Variants in RPS27L observed in about 807,000 individuals in gnomAD.
The protein encoded by RPS27L is ribosomal protein S27 like.
A neutral mutation model predicts 12.8 loss-of-function variants in RPS27L; 10 were observed. That is an observed-to-expected ratio of 0.78 (90% CI 0.48 to 1.33). The LOEUF is 1.33. RPS27L is among the 40% of genes most tolerant of loss of function. The pLI is 0.00. For missense variants in RPS27L, 81 were observed against 97.4 expected, an observed-to-expected ratio of 0.83 and a Z score of 0.71; for synonymous variants, 26 against 32.3, an observed-to-expected ratio of 0.81 and a Z score of 0.66.
intron 3 of RPS27L, chr15:63,155,319 A>C (rs2037325131): frequency 3.0e-6 from 1 of 331,734 alleles, no homozygotes; most frequent in Non-Finnish European, 5.3e-6. Context: ...ATAAATAAAT[A>C]AATCTGCATG....
intron 2 of RPS27L, 146 bp from the exon 3 acceptor site, chr15:63,155,877 G>A (rs2037329164): frequency 1.1e-5 from 5 of 435,142 alleles, no homozygotes; most frequent in Admixed American, 8.6e-5. Flanking sequence ...TTCTAGCAGC[G>A]ACACAAAATT....
Position 63,156,344 on chromosome 15 carries a change from T to C in RPS27L, c.115+69A>G, listed in dbSNP as rs1282508014. On this transcript the variant is annotated intron_variant, in intron 2 of 3. Coordinates refer to ENST00000330964, the MANE Select transcript of RPS27L (RefSeq NM_015920.4). ...ACAGAGGGTTCTAATGTATCTTAAC[T>C]ATACACACCACACTAGCAATCCCTA... 1.9e-5 allele frequency: 15 copies of C among 778,174 alleles called. No individual in the cohort carries two copies. The East Asian group carries it at 3.4e-4, about 18-fold the overall frequency. 48.2% of individuals were successfully genotyped at this position (778,174 alleles called of 1,614,324 possible).
In RPS27L at chr15:63,152,059, G is replaced by C. The variant is rs972429336; in HGVS notation, c.*1973C>G. 6.6e-6 allele frequency: 1 copy of C among 152,364 alleles called. No individual in the cohort carries two copies. The highest frequency in any genetic ancestry group is 6.5e-5 in the Admixed American group (1 of 15,282). 9.4% of individuals were successfully genotyped at this position (152,364 alleles called of 1,614,324 possible). A position where few individuals can be genotyped will look rare whatever the true frequency, so the allele number is the denominator to read the frequency against. ...AATCCCAGCACTTTGGTAGGCCAAG[G>C]CAGATCACCTGAGGCCAGGAGTTCC... On this transcript the variant is annotated 3_prime_UTR_variant, in exon 4 of 4. Transcript: ENST00000330964.
In RPS27L at chr15:63,153,726, CAA is replaced by C. The variant is rs35597192; in HGVS notation, c.*304_*305del. ...AGTGACAGAGCAGGACTCTCTCTCT[CAA>C]AAAAAAAAAAAAAGACACAAACTAA... On this transcript the variant is annotated 3_prime_UTR_variant, in exon 4 of 4. Transcript: ENST00000330964. 2,125 of 188,662 alleles carry C rather than the reference CAA, an allele frequency of 0.011. No individual in the cohort carries two copies. The highest frequency in any genetic ancestry group is 0.025 in the South Asian group (250 of 10,080). The allele number at this position is 188,662 out of a possible 1,614,324, so 11.7% of individuals were successfully genotyped here.
rs771567867 is a variant in RPS27L, at chr15:63,156,448, C to G, written c.80G>C (p.Ser27Thr). 2 of 1,597,408 alleles carry G rather than the reference C, an allele frequency of 1.3e-6. No homozygotes were observed. The highest frequency in any genetic ancestry group is 1.7e-6 in the Non-Finnish European group (2 of 1,173,864). Residue 27 changes from serine (S) to threonine (T), a missense_variant, in exon 2 of 4, where the codon AGT becomes ACT. Coordinates refer to ENST00000330964, the MANE Select transcript of RPS27L (RefSeq NM_015920.4). ...KKHKKKRLVQ[S>T]PNSYFMDVKC... ...TACATCCATAAAGTAAGAATTTGGA[C>G]TTTGTACTAGGCGTTTCTTTTTATG...
chr15:63,155,608 C>T lies in RPS27L; in HGVS notation c.226+13G>A. On this transcript the variant is annotated intron_variant, in intron 3 of 3. Transcript: ENST00000330964. ...AATCTCATCACTGGGTTGGAGAATGCCAAATGATATACCTTCTGTGAGTCT... is the reference window on the plus strand; with the variant it reads ...AATCTCATCACTGGGTTGGAGAATGTCAAATGATATACCTTCTGTGAGTCT... 1.3e-6 allele frequency: 2 copies of T among 1,534,088 alleles called. No individual in the cohort carries two copies. The highest frequency in any genetic ancestry group is 1.8e-6 in the Non-Finnish European group (2 of 1,120,158).
chr15:63,149,049 C>G lies in RPS27L; in HGVS notation c.*4983G>C, dbSNP rs6494396. 104,768 of 151,284 alleles carry G rather than the reference C, an allele frequency of 0.69. 36,796 individuals are homozygous for G. Among genetic ancestry groups the G allele is most frequent in the East Asian group, 0.99 (5,002 of 5,038 alleles). The allele number at this position is 151,284 out of a possible 1,614,324, so 9.4% of individuals were successfully genotyped here. ...AATTTTTGTATTTTTAGCAGAGACGCGGTTTCATCATGTTGGCCAGGATGG... is the reference window on the plus strand; with the variant it reads ...AATTTTTGTATTTTTAGCAGAGACGGGGTTTCATCATGTTGGCCAGGATGG... On this transcript the variant is annotated 3_prime_UTR_variant, in exon 4 of 4. Coordinates refer to ENST00000330964, the MANE Select transcript of RPS27L (RefSeq NM_015920.4).
At chr15:63,156,039 A>G (rs1054240342) in intron 2 of RPS27L, among the ~76,000 whole-genome samples, 3 of 152,202 alleles carry the variant, frequency 2.0e-5, no homozygotes, top group African/African-American at 7.2e-5. Flanking sequence ...TATTTTGAGT[A>G]TCCACATTTT....
chr15:63,154,971 T>C (rs2037322423), intron 3 of RPS27L: 1 of 152,046 alleles, frequency 6.6e-6, no homozygotes, highest in South Asian at 2.1e-4. Flanking sequence ...AAAAGAAATT[T>C]TAAAATTCTA....
At position 63,150,089 on chromosome 15, in the gene RPS27L, T is replaced by TA. The variant is rs1286964094; in HGVS notation, c.*3942dup. On this transcript the variant is annotated 3_prime_UTR_variant, in exon 4 of 4. Transcript: ENST00000330964. ...AGACTCCATCTCAAAAATAAATAAATAAAAAGTGAAAACACTCTAAGTATC... is the reference window on the plus strand; with the variant it reads ...AGACTCCATCTCAAAAATAAATAAATAAAAAAGTGAAAACACTCTAAGTATC... 3 of 151,822 alleles carry TA rather than the reference T, an allele frequency of 2.0e-5. No homozygotes were observed. In the East Asian group the frequency reaches 5.8e-4, roughly 29 times the overall value. The allele number at this position is 151,822 out of a possible 1,614,324, so 9.4% of individuals were successfully genotyped here.
rs2037298995 is a variant in RPS27L at position 63,151,483 on chromosome 15, C to T, written c.*2549G>A. The T allele has an allele frequency of 6.6e-6, 1 of 152,228 alleles. No individual in the cohort carries two copies. The highest frequency in any genetic ancestry group is 2.1e-4 in the South Asian group (1 of 4,832). The allele number at this position is 152,228 out of a possible 1,614,324, so 9.4% of individuals were successfully genotyped here. Reference sequence around the variant, plus strand: ...TCCTGACTGCAAGTGATCTGCCTGCCTCAGCCTCCCAAACTGCTGGGATTA... The same window carrying T: ...TCCTGACTGCAAGTGATCTGCCTGCTTCAGCCTCCCAAACTGCTGGGATTA... On this transcript the variant is annotated 3_prime_UTR_variant, in exon 4 of 4. Transcript: ENST00000330964.
rs778697898 is a variant in RPS27L at position 63,156,439 on chromosome 15, G to C, written c.89C>G (p.Ser30Cys). 1.9e-6 allele frequency: 3 copies of C among 1,585,084 alleles called. No homozygotes were observed. The highest frequency in any genetic ancestry group is 2.6e-6 in the Non-Finnish European group (3 of 1,167,200). ...TGGACATTTTACATCCATAAAGTAA[G>C]AATTTGGACTTTGTACTAGGCGTTT... Reference protein sequence around the residue: ...KKKRLVQSPNSYFMDVKCPGC... With the variant: ...KKKRLVQSPNCYFMDVKCPGC... The change falls in exon 2 of 4, where the codon TCT becomes TGT. Residue 30 changes from serine to cysteine, a missense_variant. Ser to Cys is a moderately radical substitution (Grantham distance 112). Transcript: ENST00000330964.
Position 63,151,110 on chromosome 15 carries a change from G to A in RPS27L, c.*2922C>T, listed in dbSNP as rs1004426863. Reference sequence around the variant, plus strand: ...TCAGTATATAATAATGTATGTGGCTGACCCTGAAGTTTGGGAAAGTCCTGG... The same window carrying A: ...TCAGTATATAATAATGTATGTGGCTAACCCTGAAGTTTGGGAAAGTCCTGG... On this transcript the variant is annotated 3_prime_UTR_variant, in exon 4 of 4. Coordinates refer to ENST00000330964, the MANE Select transcript of RPS27L (RefSeq NM_015920.4). The A allele has an allele frequency of 6.6e-6, 1 of 152,168 alleles. No homozygotes were observed. Among genetic ancestry groups the A allele is most frequent in the African/African-American group, 2.4e-5 (1 of 41,434 alleles). 9.4% of individuals were successfully genotyped at this position (152,168 alleles called of 1,614,324 possible). A position where few individuals can be genotyped will look rare whatever the true frequency, so the allele number is the denominator to read the frequency against.
intron 2 of RPS27L, among the ~76,000 whole-genome samples, chr15:63,155,964 A>G (rs935435315): frequency 6.6e-6 from 1 of 152,136 alleles, no homozygotes; most frequent in Admixed American, 6.5e-5. Context: ...CATGTAATCA[A>G]TGTATTTTTT....
chr15:63,154,214 T>G lies in RPS27L; in HGVS notation c.227-154A>C, dbSNP rs2037318125. ...TATTTATCCTTTTATACCAGAAATT[T>G]GCTATAATACATCTATCATATCTGA... is the stretch of plus-strand genomic sequence containing the variant. On this transcript the variant is annotated intron_variant, in intron 3 of 3. Coordinates refer to ENST00000330964, the MANE Select transcript of RPS27L (RefSeq NM_015920.4). 6 of 621,508 alleles carry G rather than the reference T, an allele frequency of 9.7e-6. No homozygotes were observed. The South Asian group carries it at 1.3e-4, about 14-fold the overall frequency. 38.5% of individuals were successfully genotyped at this position (621,508 alleles called of 1,614,324 possible).
At chr15:63,156,329 C>T in intron 2 of RPS27L, 84 bp downstream of exon 2, 1 of 687,470 alleles carries the variant, frequency 1.5e-6, no homozygotes, top group Non-Finnish European at 2.5e-6. Flanking sequence ...ACAGAGGGTT[C>T]TAATGTATCT....
rs781363169 is a variant in RPS27L, at chr15:63,150,174, G to A, written c.*3858C>T. On this transcript the variant is annotated 3_prime_UTR_variant, in exon 4 of 4. Coordinates refer to ENST00000330964, the MANE Select transcript of RPS27L (RefSeq NM_015920.4). ...TTACACAGAATATTGTCAAAAAAAG[G>A]AATGAAATATTGATACATGCAACAG... 1 of 152,204 alleles carries A rather than the reference G, an allele frequency of 6.6e-6. No individual in the cohort carries two copies. 9.4% of individuals were successfully genotyped at this position (152,204 alleles called of 1,614,324 possible). A position where few individuals can be genotyped will look rare whatever the true frequency, so the allele number is the denominator to read the frequency against.
rs1273672695 is a variant in RPS27L, at chr15:63,153,475, T to C, written c.*557A>G. ...AACTACATTTAGAATTCACAAATAA[T>C]AGACTTTACATCTGTAATCCTTTAA... On this transcript the variant is annotated 3_prime_UTR_variant, in exon 4 of 4. Coordinates refer to ENST00000330964, the MANE Select transcript of RPS27L (RefSeq NM_015920.4). The C allele has an allele frequency of 6.6e-6, 1 of 152,270 alleles. No individual in the cohort carries two copies. The highest frequency in any genetic ancestry group is 1.5e-5 in the Non-Finnish European group (1 of 68,094). 9.4% of individuals were successfully genotyped at this position (152,270 alleles called of 1,614,324 possible). A position where few individuals can be genotyped will look rare whatever the true frequency, so the allele number is the denominator to read the frequency against.
chr15:63,155,839 C>G, intron 2 of RPS27L, 108 bp from the exon 3 acceptor site: 1 of 557,908 alleles, frequency 1.8e-6, no homozygotes, highest in Non-Finnish European at 2.9e-6. Flanking sequence ...TGCTATGAAA[C>G]AGCAAGCCAC....
Sources: gnomAD v4.1 joint callset for allele counts (sites outside exome capture counted in the v4.1 genomes callset) on GRCh38, gnomAD v4.1.1 for gene constraint, MANE v1.5 for transcripts, NCBI Gene and HGNC (gene_info 2026-07-23, HGNC 2026-07-21) for gene names.